DPH6: variants seen among roughly 807,000 people sequenced by gnomAD.
The protein encoded by DPH6 is diphthine--ammonia ligase.
In DPH6, 33 loss-of-function variants were observed where a neutral mutation model predicts 38.2. The ratio of observed to expected loss-of-function variants is 0.86; its 90% confidence interval spans 0.65 to 1.15. The LOEUF (loss-of-function observed/expected upper bound fraction) is 1.15. Ranked by LOEUF, DPH6 falls within the 50% of genes most tolerant of loss-of-function variation. The probability of loss-of-function intolerance (pLI) is 0.00; values close to 1 mark genes in which losing one functional copy is unlikely to be tolerated. For missense variants in DPH6, 325 were observed against 320.0 expected, an observed-to-expected ratio of 1.02 and a Z score of -0.12; for synonymous variants, 108 against 103.0, an observed-to-expected ratio of 1.05 and a Z score of -0.30.
chr15:35,470,976 A>G (rs2054191335), intron 3 of DPH6, among the ~76,000 whole-genome samples: 1 of 152,190 alleles, frequency 6.6e-6, no homozygotes, highest in East Asian at 1.9e-4. Context: ...AGAAAAAAAA[A>G]TAGAGAAATA....
chr15:35,362,770 A>G (rs2052624630), intron 3 of DPH6, among the ~76,000 whole-genome samples: 1 of 151,724 alleles, frequency 6.6e-6, no homozygotes. Flanking sequence ...GGGGCATCAC[A>G]GTTGACACAG....
chr15:35,278,429 G>T (rs1448136658), intron 3 of DPH6, among the ~76,000 whole-genome samples: 1 of 152,248 alleles, frequency 6.6e-6, no homozygotes, highest in African/African-American at 2.4e-5. Flanking sequence ...AAGCCTAGGT[G>T]CCTGGGCAGA....
At chr15:35,236,863 TGG>T (rs771615070) in intron 3 of DPH6, among the ~76,000 whole-genome samples, 1 of 152,196 alleles carries the variant, frequency 6.6e-6, no homozygotes. Flanking sequence ...TTCTTAAGAC[TGG>T]GGCTCTTACA....
intron 3 of DPH6, among the ~76,000 whole-genome samples, chr15:35,252,708 C>G (rs1378968382): frequency 6.6e-6 from 1 of 152,240 alleles, no homozygotes; most frequent in Non-Finnish European, 1.5e-5. Flanking sequence ...TAAGGGCAGA[C>G]AGCGAACAAA....
intron 3 of DPH6, among the ~76,000 whole-genome samples, chr15:35,230,468 C>T (rs535081724): frequency 2.0e-5 from 3 of 152,124 alleles, no homozygotes; most frequent in Non-Finnish European, 4.4e-5. Flanking sequence ...CATCCAAAAG[C>T]GAAGTCCTGG....
At chr15:35,511,637 C>A (rs2054773382) in intron 3 of DPH6, among the ~76,000 whole-genome samples, 1 of 152,006 alleles carries the variant, frequency 6.6e-6, no homozygotes. Flanking sequence ...TACTTATCCC[C>A]ATGCTCAAGT....
intron 3 of DPH6, among the ~76,000 whole-genome samples, chr15:35,464,114 T>C (rs948096912): frequency 6.6e-6 from 1 of 151,942 alleles, no homozygotes; most frequent in African/African-American, 2.4e-5. Context: ...GCCAACATAG[T>C]AAAACCCTGT....
At chr15:35,205,588 T>C in the DPH6 span, among the ~76,000 whole-genome samples, 1 of 152,106 alleles carries the variant, frequency 6.6e-6, no homozygotes, top group Non-Finnish European at 1.5e-5. Flanking sequence ...AGTTTCTATT[T>C]GATTAGTGGG....
downstream of DPH6, among the ~76,000 whole-genome samples, chr15:35,329,395 G>C (rs2052309992): frequency 6.6e-6 from 1 of 152,064 alleles, no homozygotes; most frequent in South Asian, 2.1e-4. Flanking sequence ...TAAACTATTT[G>C]CATTGAGGCA....
intron 5 of DPH6, among the ~76,000 whole-genome samples, chr15:35,425,930 A>G (rs950457302): frequency 1.5e-4 from 22 of 151,200 alleles, no homozygotes; most frequent in Middle Eastern, 3.4e-3. Context: ...GAAGAAAATG[A>G]TATGCTAGCA....
chr15:35,300,632 G>A (rs1472437037), intron 3 of DPH6, among the ~76,000 whole-genome samples: 1 of 152,150 alleles, frequency 6.6e-6, no homozygotes, highest in Non-Finnish European at 1.5e-5. Context: ...GAGAGAAGTG[G>A]GAATTAAGTC....
chr15:35,501,061 A>C (rs2141195738), intron 3 of DPH6, among the ~76,000 whole-genome samples: 1 of 152,286 alleles, frequency 6.6e-6, no homozygotes, highest in South Asian at 2.1e-4. Flanking sequence ...TTTTAACATT[A>C]AAAGAATGGA....
At chr15:35,299,505 C>CG in intron 3 of DPH6, 1 of 699,444 alleles carries the variant, frequency 1.4e-6, no homozygotes, top group Middle Eastern at 4.0e-4. Context: ...GGCGGCAGCG[C>CG]GGAGCCGGGG....
chr15:35,383,991 C>T (rs990920003), intron 6 of DPH6, among the ~76,000 whole-genome samples: 1 of 152,198 alleles, frequency 6.6e-6, no homozygotes, highest in African/African-American at 2.4e-5. Flanking sequence ...GTGAAGCATC[C>T]AGATGTGCAC....
intron 3 of DPH6, among the ~76,000 whole-genome samples, chr15:35,317,881 T>C (rs2052207005): frequency 1.3e-5 from 2 of 152,092 alleles, no homozygotes; most frequent in African/African-American, 4.8e-5. Context: ...CAATATATTG[T>C]ATTCCTTAGC....
rs2053060352 is a variant in DPH6, at chr15:35,391,688, G to C, written c.568-9772C>G. On this transcript the variant is annotated intron_variant, in intron 6 of 8. Coordinates refer to ENST00000256538, the MANE Select transcript of DPH6 (RefSeq NM_080650.4). The stretch of plus-strand genomic sequence containing the variant: ...GGTGTGCAGTTTGTTAAGCCCGTTG[G>C]AAAAGCGCAGTATTAGGGTGGGAGT... Among the ~76,000 whole-genome samples the C allele has an allele frequency of 3.3e-5, 5 of 152,156 alleles. No homozygotes were observed. The South Asian group carries it at 1.0e-3, about 32-fold the overall frequency.
intron 7 of DPH6, among the ~76,000 whole-genome samples, chr15:35,378,288 C>T (rs899943660): frequency 1.6e-4 from 24 of 152,294 alleles, no homozygotes; most frequent in African/African-American, 2.9e-4. Context: ...TACCATCTCA[C>T]GCCAGTTAGA....
intron 5 of DPH6, among the ~76,000 whole-genome samples, chr15:35,421,479 C>A (rs2053504275): frequency 2.0e-5 from 3 of 151,994 alleles, no homozygotes; most frequent in Admixed American, 2.0e-4. Flanking sequence ...GCTCAAATAC[C>A]CCTTTTTTGT....
At chr15:35,351,275 A>G (rs1255605812) in intron 3 of DPH6, among the ~76,000 whole-genome samples, 1 of 152,088 alleles carries the variant, frequency 6.6e-6, no homozygotes, top group Admixed American at 6.6e-5. Flanking sequence ...TTTCACTTTC[A>G]GTCTATGTGT....
Sources: gnomAD v4.1 joint callset for allele counts (sites outside exome capture counted in the v4.1 genomes callset) on GRCh38, gnomAD v4.1.1 for gene constraint, MANE v1.5 for transcripts, NCBI Gene and HGNC (gene_info 2026-07-23, HGNC 2026-07-21) for gene names.